The following WDHD1 variants were observed in gnomAD, a reference collection of about 807,000 sequenced individuals.
WDHD1 encodes the protein WD repeat and HMG-box DNA binding protein 1, also known as WD repeat and HMG-box DNA-binding protein 1.
Under a neutral mutation model 135.4 loss-of-function variants are expected in WDHD1, and 111 were observed. The ratio of observed to expected loss-of-function variants is 0.82; its 90% confidence interval spans 0.70 to 0.96. The LOEUF is 0.96. Ranked by LOEUF, WDHD1 falls within the 40% of genes least tolerant of loss-of-function variation. The pLI is 0.00. For synonymous variants in WDHD1, 434 were observed against 439.0 expected (o/e 0.99, Z 0.14); for missense variants, 1,351 against 1,336.3 (o/e 1.01, Z -0.17).
At chr14:55,020,720 C>T (rs78202195) in intron 2 of WDHD1, among the ~76,000 whole-genome samples, 5,295 of 152,198 alleles carry the variant, frequency 0.035, 130 homozygotes, top group Non-Finnish European at 0.05. Flanking sequence ...AGGTTCCAAC[C>T]CCTAAACAGT....
At chr14:55,013,739 C>A in intron 2 of WDHD1, 143 bp from the exon 3 acceptor site, 1 of 601,992 alleles carries the variant, frequency 1.7e-6, no homozygotes, top group Non-Finnish European at 2.9e-6. Context: ...GACCTAGTCT[C>A]TACAAAAAAT....
intron 7 of WDHD1, chr14:55,005,272 A>G (rs1241635655): frequency 3.7e-6 from 2 of 542,136 alleles, no homozygotes; most frequent in East Asian, 4.8e-5. Context: ...GTACGTTAAC[A>G]TAAGATGCCT....
At chr14:54,952,027 C>T (rs1363661678) in intron 24 of WDHD1, among the ~76,000 whole-genome samples, 1 of 152,146 alleles carries the variant, frequency 6.6e-6, no homozygotes, top group Non-Finnish European at 1.5e-5. Flanking sequence ...AAACCCACAG[C>T]CAATATCATA....
In WDHD1 at chr14:54,957,510, G is replaced by A. The variant is rs1297636162; in HGVS notation, c.2745+82C>T. The A allele has an allele frequency of 2.4e-6, 3 of 1,247,726 alleles. No individual in the cohort carries two copies. The East Asian group carries it at 7.6e-5, about 32-fold the overall frequency. 77.3% of individuals were successfully genotyped at this position (1,247,726 alleles called of 1,614,324 possible). ...AGTCTTTCATGCCTCCAAGTCTGGGGAGAGTCATCTCATCATTTGGAAATA... is the reference window on the plus strand; with the variant it reads ...AGTCTTTCATGCCTCCAAGTCTGGGAAGAGTCATCTCATCATTTGGAAATA... On this transcript the variant is annotated intron_variant, in intron 22 of 25. Coordinates refer to ENST00000360586, the MANE Select transcript of WDHD1 (RefSeq NM_007086.4).
intron 2 of WDHD1, among the ~76,000 whole-genome samples, chr14:55,025,828 T>G (rs1157347166): frequency 1.3e-5 from 2 of 152,214 alleles, no homozygotes; most frequent in African/African-American, 2.4e-5. Flanking sequence ...CACACAGTAT[T>G]GCCTCTGCTT....
intron 14 of WDHD1, among the ~76,000 whole-genome samples, chr14:54,985,921 G>A (rs888253287): frequency 6.6e-6 from 1 of 152,188 alleles, no homozygotes; most frequent in Non-Finnish European, 1.5e-5. Context: ...CTAAGATGGG[G>A]AAACTACATA....
chr14:55,019,698 G>A (rs2042314093), intron 2 of WDHD1, among the ~76,000 whole-genome samples: 1 of 152,132 alleles, frequency 6.6e-6, no homozygotes, highest in African/African-American at 2.4e-5. Context: ...ACGAAACCTT[G>A]TCTCTACTAA....
At chr14:54,966,386 G>A in intron 18 of WDHD1, 89 bp downstream of exon 18, 1 of 1,419,228 alleles carries the variant, frequency 7.0e-7, no homozygotes, top group Non-Finnish European at 9.3e-7. Flanking sequence ...TAGGTTGTGG[G>A]ACTTAGTCCT....
Position 54,996,993 on chromosome 14 carries a change from T to G in WDHD1, c.943-1180A>C, listed in dbSNP as rs529548532. Among the ~76,000 whole-genome samples, 26 of 152,072 alleles carry G rather than the reference T, an allele frequency of 1.7e-4. No individual in the cohort carries two copies. In the South Asian group the frequency reaches 5.4e-3, roughly 32 times the overall value. On this transcript the variant is annotated intron_variant, in intron 10 of 25. Transcript: ENST00000360586. The stretch of plus-strand genomic sequence containing the variant: ...TTTTAGTAGAGATGGGGTTTCACCA[T>G]GTTGGCCAGGATGGTCTTGATCTCT...
At chr14:55,005,439 G>A in intron 7 of WDHD1, 2 of 569,986 alleles carry the variant, frequency 3.5e-6, no homozygotes, top group South Asian at 1.4e-5. Context: ...ATGGCCTTCG[G>A]ACCAGTATTC....
intron 11 of WDHD1, among the ~76,000 whole-genome samples, chr14:54,993,737 T>C (rs560278851): frequency 7.2e-4 from 99 of 136,974 alleles, no homozygotes; most frequent in African/African-American, 3.0e-3. Flanking sequence ...GCAATGCCAC[T>C]CTTCTCACTA....
chr14:55,005,304 C>A (rs2042046871), intron 7 of WDHD1: 3 of 550,060 alleles, frequency 5.5e-6, no homozygotes, highest in Admixed American at 3.8e-5. Flanking sequence ...TGGTGATCAG[C>A]ACTGGGATTA....
chr14:54,998,288 C>T (rs1483366887), intron 10 of WDHD1, among the ~76,000 whole-genome samples: 1 of 151,962 alleles, frequency 6.6e-6, no homozygotes, highest in Non-Finnish European at 1.5e-5. Context: ...GTGAAATTAG[C>T]CCAGCTAATT....
intron 15 of WDHD1, among the ~76,000 whole-genome samples, chr14:54,982,619 C>T (rs1482962512): frequency 6.6e-6 from 1 of 152,156 alleles, no homozygotes; most frequent in Non-Finnish European, 1.5e-5. Flanking sequence ...TTCACACCCC[C>T]CTCACTCTGC....
At chr14:55,003,210 T>C (rs1461214889) in intron 7 of WDHD1, among the ~76,000 whole-genome samples, 3 of 152,016 alleles carry the variant, frequency 2.0e-5, no homozygotes, top group Non-Finnish European at 4.4e-5. Flanking sequence ...AGAATGTACA[T>C]TGTTAAAAGT....
At chr14:54,972,471 G>A (rs561001064) in intron 16 of WDHD1, among the ~76,000 whole-genome samples, 281 of 141,576 alleles carry the variant, frequency 2.0e-3, no homozygotes, top group African/African-American at 7.0e-3. Flanking sequence ...CCAGCTACTC[G>A]GGAGGGTAAA....
intron 2 of WDHD1, among the ~76,000 whole-genome samples, chr14:55,024,749 A>G (rs28407689): frequency 7.0e-6 from 1 of 143,872 alleles, no homozygotes; most frequent in Admixed American, 7.3e-5. Flanking sequence ...GGGCGGTGCA[A>G]GATGTGCTTT....
At position 54,966,405 on chromosome 14, in the gene WDHD1, G is replaced by A. The variant is rs1056928906; in HGVS notation, c.2310+70C>T. The A allele has an allele frequency of 6.3e-5, 96 of 1,515,598 alleles. 1 individual carries two copies. Among genetic ancestry groups the A allele is most frequent in the Non-Finnish European group, 8.2e-5 (93 of 1,135,510 alleles). 93.9% of individuals were successfully genotyped at this position (1,515,598 alleles called of 1,614,324 possible). On this transcript the variant is annotated intron_variant, in intron 18 of 25. Transcript: ENST00000360586. ...TTGTGGGACTTAGTCCTAATGCACA[G>A]ACCTTTAAGAAATTCAACCTATAGA...
At chr14:55,012,212 G>C (rs555744987) in intron 3 of WDHD1, among the ~76,000 whole-genome samples, 1 of 151,922 alleles carries the variant, frequency 6.6e-6, no homozygotes, top group East Asian at 1.9e-4. Context: ...TTTTCTTCTG[G>C]GAACGCATTT....
Sources: allele counts gnomAD v4.1 joint callset (sites outside exome capture counted in the v4.1 genomes callset), GRCh38; gene constraint gnomAD v4.1.1; transcripts MANE v1.5; gene names NCBI Gene and HGNC (gene_info 2026-07-23, HGNC 2026-07-21).